INTU: variants seen among roughly 807,000 people sequenced by gnomAD.
The protein encoded by INTU is protein inturned.
Under a neutral mutation model 100.5 loss-of-function variants are expected in INTU, and 68 were observed. That is an observed-to-expected ratio of 0.68 (90% CI 0.56 to 0.83). The LOEUF (loss-of-function observed/expected upper bound fraction) is 0.83. Among genes scored for constraint, INTU ranks in the 40% least tolerant of loss-of-function variants. The probability of loss-of-function intolerance (pLI) is 0.00; values close to 1 mark genes in which losing one functional copy is unlikely to be tolerated. For synonymous variants in INTU, 357 were observed against 395.7 expected, an observed-to-expected ratio of 0.90 and a Z score of 1.16; for missense variants, 1,071 against 1,114.7, an observed-to-expected ratio of 0.96 and a Z score of 0.56.
rs1409126412 is a variant in INTU, at chr4:127,721,082, C to T, written c.*4646C>T. ...CATAGTGTTACTGATCTGTGTATTT[C>T]AATGTGTTTTTTGTAGCGGCTGGTA... On this transcript the variant is annotated 3_prime_UTR_variant, in exon 16 of 16. Coordinates refer to ENST00000335251, the MANE Select transcript of INTU (RefSeq NM_015693.4). 1.3e-5 allele frequency: 2 copies of T among 151,856 alleles called. No individual in the cohort carries two copies. Among genetic ancestry groups the T allele is most frequent in the East Asian group, 3.9e-4 (2 of 5,184 alleles). 9.4% of individuals were successfully genotyped at this position (151,856 alleles called of 1,614,324 possible). A position where few individuals can be genotyped will look rare whatever the true frequency, so the allele number is the denominator to read the frequency against.
intron 2 of INTU, among the ~76,000 whole-genome samples, chr4:127,650,227 A>AT (rs967104800): frequency 1.3e-5 from 2 of 151,834 alleles, no homozygotes; most frequent in Admixed American, 6.6e-5. Flanking sequence ...TAATTTTTTA[A>AT]TTTTTTTTAT....
chr4:127,646,045 CT>C (rs1578532705), intron 2 of INTU, among the ~76,000 whole-genome samples: 2 of 151,852 alleles, frequency 1.3e-5, no homozygotes, highest in African/African-American at 4.8e-5. Context: ...TTAGCTGGGC[CT>C]TGTGGTGCAT....
chr4:127,669,950 A>G (rs1728850424), intron 5 of INTU, among the ~76,000 whole-genome samples: 2 of 151,918 alleles, frequency 1.3e-5, no homozygotes. Context: ...CCAAAAATAG[A>G]CAAATAGGAC....
intron 12 of INTU, among the ~76,000 whole-genome samples, 194 bp from the exon 13 acceptor site, chr4:127,708,377 C>T (rs573748158): frequency 6.6e-6 from 1 of 152,196 alleles, no homozygotes; most frequent in Admixed American, 6.5e-5. Flanking sequence ...ACCATCATGC[C>T]CTCCCAGGAC....
intron 2 of INTU, among the ~76,000 whole-genome samples, chr4:127,646,184 CAA>C (rs71587329): frequency 1.7e-4 from 22 of 127,526 alleles, no homozygotes; most frequent in African/African-American, 4.9e-4. Context: ...GACTCTGTCT[CAA>C]AAAAAAAAAA....
intron 9 of INTU, among the ~76,000 whole-genome samples, chr4:127,701,154 T>C (rs193234534): frequency 1.3e-5 from 2 of 152,256 alleles, no homozygotes; most frequent in African/African-American, 4.8e-5. Context: ...AACTACCAAC[T>C]TATAGGAAAT....
intron 6 of INTU, among the ~76,000 whole-genome samples, chr4:127,680,153 A>C (rs1729456399): frequency 6.6e-6 from 1 of 152,184 alleles, no homozygotes; most frequent in Non-Finnish European, 1.5e-5. Context: ...AGATGGATTC[A>C]CAGCTGAATT....
At chr4:127,711,512 A>G (rs11945972) in intron 14 of INTU, among the ~76,000 whole-genome samples, 5,502 of 152,234 alleles carry the variant, frequency 0.036, 315 homozygotes, top group African/African-American at 0.12. Flanking sequence ...GGATTAAGGC[A>G]GGGGTCCCCA....
At chr4:127,701,419 A>G (rs1730643270) in intron 9 of INTU, among the ~76,000 whole-genome samples, 1 of 152,186 alleles carries the variant, frequency 6.6e-6, no homozygotes, top group Non-Finnish European at 1.5e-5. Flanking sequence ...CTATGAGACA[A>G]CGAATCTCAT....
Position 127,663,361 on chromosome 4 carries a change from C to T in INTU, c.769-20C>T, listed in dbSNP as rs1449495965. ...ATTTTCCCTTGTCGAAAAGTCAACA[C>T]ATTGTTTTAATTTTTAAAGGTGAAA... On this transcript the variant is annotated intron_variant, in intron 3 of 15. Coordinates refer to ENST00000335251, the MANE Select transcript of INTU (RefSeq NM_015693.4). 6.3e-7 allele frequency: 1 copy of T among 1,593,154 alleles called. No homozygotes were observed. Among genetic ancestry groups the T allele is most frequent in the Non-Finnish European group, 8.6e-7 (1 of 1,163,852 alleles).
At chr4:127,673,966 A>G (rs1444893839) in intron 5 of INTU, among the ~76,000 whole-genome samples, 158 bp from the exon 6 acceptor site, 1 of 151,638 alleles carries the variant, frequency 6.6e-6, no homozygotes, top group African/African-American at 2.4e-5. Context: ...CTGTCATATA[A>G]TTCCTTGCGT....
At chr4:127,664,006 A>T (rs964021886) in intron 4 of INTU, among the ~76,000 whole-genome samples, 7 of 152,066 alleles carry the variant, frequency 4.6e-5, no homozygotes, top group Admixed American at 2.6e-4. Context: ...CACAATCATG[A>T]TATGGGACAT....
At chr4:127,655,759 A>G (rs1342387132) in intron 2 of INTU, among the ~76,000 whole-genome samples, 1 of 152,106 alleles carries the variant, frequency 6.6e-6, no homozygotes, top group Admixed American at 6.5e-5. Flanking sequence ...ACCCAGTTGG[A>G]GCTTCCTGGC....
At chr4:127,703,086 A>G (rs1205086175) in intron 9 of INTU, among the ~76,000 whole-genome samples, 1 of 152,190 alleles carries the variant, frequency 6.6e-6, no homozygotes, top group Non-Finnish European at 1.5e-5. Flanking sequence ...AAATAATCAT[A>G]CAGTAGGTAA....
At chr4:127,652,777 A>T (rs1578544694) in intron 2 of INTU, among the ~76,000 whole-genome samples, 1 of 134,264 alleles carries the variant, frequency 7.4e-6, no homozygotes, top group African/African-American at 2.9e-5. Flanking sequence ...TATTGATTGG[A>T]ATAGTTTCAG....
intron 2 of INTU, among the ~76,000 whole-genome samples, chr4:127,645,853 C>T (rs900967418): frequency 2.0e-5 from 3 of 151,974 alleles, no homozygotes; most frequent in Non-Finnish European, 2.9e-5. Flanking sequence ...CGTGAGCCAC[C>T]GTGCCTGGCC....
chr4:127,662,043 TG>T (rs1176276696), intron 3 of INTU, among the ~76,000 whole-genome samples: 1 of 152,186 alleles, frequency 6.6e-6, no homozygotes, highest in Non-Finnish European at 1.5e-5. Context: ...TGATTAGTCA[TG>T]TTGAGCATTT....
chr4:127,652,127 A>G (rs1483034061), intron 2 of INTU, among the ~76,000 whole-genome samples: 247 of 129,858 alleles, frequency 1.9e-3, no homozygotes, highest in African/African-American at 7.2e-3. Flanking sequence ...GGGCTGAGAC[A>G]ATGGGGTTTT....
In INTU at chr4:127,720,350, T is replaced by G. The variant is rs1034875236; in HGVS notation, c.*3914T>G. 6.6e-6 allele frequency: 1 copy of G among 152,198 alleles called. No individual in the cohort carries two copies. The highest frequency in any genetic ancestry group is 2.4e-5 in the African/African-American group (1 of 41,456). The allele number at this position is 152,198 out of a possible 1,614,324, so 9.4% of individuals were successfully genotyped here. A position where few individuals can be genotyped will look rare whatever the true frequency, so the allele number is the denominator to read the frequency against. Reference sequence around the variant, plus strand: ...TTGCGCTGTGATCTGAGAGACTGTTTGTTATTACTTCAGTTCTTTAGCATT... The same window carrying G: ...TTGCGCTGTGATCTGAGAGACTGTTGGTTATTACTTCAGTTCTTTAGCATT... On this transcript the variant is annotated 3_prime_UTR_variant, in exon 16 of 16. Coordinates refer to ENST00000335251, the MANE Select transcript of INTU (RefSeq NM_015693.4).
Sources: gnomAD v4.1 joint callset for allele counts (sites outside exome capture counted in the v4.1 genomes callset) on GRCh38, gnomAD v4.1.1 for gene constraint, MANE v1.5 for transcripts, NCBI Gene and HGNC (gene_info 2026-07-23, HGNC 2026-07-21) for gene names.